The following NKAIN2 variants were observed in gnomAD, a reference collection of about 807,000 sequenced individuals.
NKAIN2 encodes sodium/potassium-transporting ATPase subunit beta-1-interacting protein 2.
A neutral mutation model predicts 32.6 loss-of-function variants in NKAIN2; 14 were observed. The ratio of observed to expected loss-of-function variants is 0.43; its 90% CI spans 0.28 to 0.67. The LOEUF is 0.67. Among genes scored for constraint, NKAIN2 ranks in the 30% least tolerant of loss-of-function variants. NKAIN2 has a pLI of 0.17. For synonymous variants in NKAIN2, 80 were observed against 87.2 expected (o/e 0.92, Z 0.46); for missense variants, 198 against 258.3 (o/e 0.77, Z 1.60).
intron 1 of NKAIN2, among the ~76,000 whole-genome samples, chr6:123,953,879 C>T (rs1582835256): frequency 6.6e-6 from 1 of 152,170 alleles, no homozygotes; most frequent in East Asian, 1.9e-4. Context: ...TCAATGGCAG[C>T]AGGAGTATAC....
chr6:124,251,772 G>C (rs1287288834), intron 1 of NKAIN2, among the ~76,000 whole-genome samples: 2 of 151,848 alleles, frequency 1.3e-5, no homozygotes, highest in Non-Finnish European at 2.9e-5. Context: ...CCTCTGATAG[G>C]AATTCAAATT....
intron 3 of NKAIN2, among the ~76,000 whole-genome samples, chr6:124,509,463 T>C (rs2114769242): frequency 6.6e-6 from 1 of 152,344 alleles, no homozygotes; most frequent in Non-Finnish European, 1.5e-5. Context: ...TTATAGGTCA[T>C]CGTTGGGCTA....
chr6:124,442,247 C>A (rs949809525), intron 3 of NKAIN2, among the ~76,000 whole-genome samples: 5 of 152,018 alleles, frequency 3.3e-5, no homozygotes, highest in Admixed American at 2.6e-4. Context: ...AGTGGACAAC[C>A]AGATGCATGA....
At chr6:124,772,683 A>G (rs766399622) in intron 4 of NKAIN2, among the ~76,000 whole-genome samples, 78 of 152,216 alleles carry the variant, frequency 5.1e-4, no homozygotes, top group Non-Finnish European at 1.0e-3. Flanking sequence ...CTAAGTCCAT[A>G]TACAGTGAAA....
rs1272859553 is a variant in NKAIN2, at chr6:124,050,432, A to G, written c.55-232573A>G. ...CACATCCTTCAGTTGTATAATACAC[A>G]GGTTCATTACCTGCATTGCTCCTCC... On this transcript the variant is annotated intron_variant, in intron 1 of 6. Transcript: ENST00000368417. 2.6e-5 allele frequency among the ~76,000 whole-genome samples: 4 copies of G among 152,054 alleles called. 1 individual carries two copies. The highest frequency in any genetic ancestry group is 6.3e-3 in the Middle Eastern group (2 of 316).
chr6:124,579,905 G>A (rs1461964973), intron 3 of NKAIN2, among the ~76,000 whole-genome samples: 3 of 152,158 alleles, frequency 2.0e-5, no homozygotes, highest in African/African-American at 7.2e-5. Flanking sequence ...AAACTTTACA[G>A]GGCAGGAGAG....
chr6:124,071,719 A>G (rs1015191828), intron 1 of NKAIN2, among the ~76,000 whole-genome samples: 3 of 152,200 alleles, frequency 2.0e-5, no homozygotes, highest in Non-Finnish European at 2.9e-5. Flanking sequence ...CAAATATATG[A>G]AAAAATGCTC....
chr6:124,426,469 C>A (rs1052263265), intron 3 of NKAIN2, among the ~76,000 whole-genome samples: 4 of 151,908 alleles, frequency 2.6e-5, no homozygotes, highest in Non-Finnish European at 5.9e-5. Context: ...AAGTAAAGAA[C>A]CCTCAAAAGT....
chr6:124,608,872 C>T (rs1382718350), intron 3 of NKAIN2, among the ~76,000 whole-genome samples: 3 of 152,152 alleles, frequency 2.0e-5, no homozygotes, highest in African/African-American at 7.2e-5. Context: ...TTCTCCACCT[C>T]AATGTCACTT....
At chr6:123,953,483 C>T (rs1333857681) in intron 1 of NKAIN2, among the ~76,000 whole-genome samples, 1 of 152,122 alleles carries the variant, frequency 6.6e-6, no homozygotes, top group Non-Finnish European at 1.5e-5. Flanking sequence ...CTTCTGGGTC[C>T]CAAGTGGTCC....
chr6:124,158,409 A>T (rs1788095823), intron 1 of NKAIN2, among the ~76,000 whole-genome samples: 1 of 152,134 alleles, frequency 6.6e-6, no homozygotes, highest in African/African-American at 2.4e-5. Context: ...TTTTGTGGGG[A>T]TGTAATTCAG....
intron 3 of NKAIN2, among the ~76,000 whole-genome samples, chr6:124,583,830 T>G (rs1314052597): frequency 6.6e-6 from 1 of 152,038 alleles, no homozygotes; most frequent in Non-Finnish European, 1.5e-5. Context: ...GAACCCAGAA[T>G]CAAATCCATA....
chr6:124,751,619 G>C (rs1194925695), intron 4 of NKAIN2, among the ~76,000 whole-genome samples: 1 of 151,814 alleles, frequency 6.6e-6, no homozygotes, highest in South Asian at 2.1e-4. Context: ...CACTGAACTA[G>C]CCCGTGGCTG....
chr6:124,612,153 T>TA (rs1467343859), intron 3 of NKAIN2, among the ~76,000 whole-genome samples: 3 of 151,878 alleles, frequency 2.0e-5, no homozygotes, highest in African/African-American at 4.8e-5. Context: ...TTATATAATA[T>TA]ATGCTGAGTT....
chr6:123,881,994 T>C (rs897747936), intron 1 of NKAIN2, among the ~76,000 whole-genome samples: 12 of 152,108 alleles, frequency 7.9e-5, no homozygotes, highest in Non-Finnish European at 1.0e-4. Context: ...TGGATTAGCT[T>C]GTATTTGATT....
intron 3 of NKAIN2, among the ~76,000 whole-genome samples, chr6:124,372,638 A>G (rs1209009539): frequency 2.0e-5 from 3 of 152,206 alleles, no homozygotes; most frequent in Non-Finnish European, 4.4e-5. Context: ...GTTACCATAT[A>G]TGGTGATTTT....
At chr6:124,338,145 T>G (rs1797960006) in intron 2 of NKAIN2, among the ~76,000 whole-genome samples, 1 of 152,164 alleles carries the variant, frequency 6.6e-6, no homozygotes, top group South Asian at 2.1e-4. Context: ...CACAGATGCC[T>G]TCGAAGTGGT....
intron 4 of NKAIN2, among the ~76,000 whole-genome samples, chr6:124,772,786 G>A (rs574145645): frequency 2.0e-5 from 3 of 152,200 alleles, no homozygotes; most frequent in South Asian, 2.1e-4. Flanking sequence ...TTCTGTTAAC[G>A]AAAAAACTCA....
At chr6:124,180,170 A>G (rs1169692286) in intron 1 of NKAIN2, among the ~76,000 whole-genome samples, 6 of 152,166 alleles carry the variant, frequency 3.9e-5, no homozygotes, top group Non-Finnish European at 5.9e-5. Flanking sequence ...GCTAAGATAC[A>G]GATATAAATA....
Sources: allele counts gnomAD v4.1 joint callset (sites outside exome capture counted in the v4.1 genomes callset), GRCh38; gene constraint gnomAD v4.1.1; transcripts MANE v1.5; gene names NCBI Gene and HGNC (gene_info 2026-07-23, HGNC 2026-07-21).